Variants in RALGPS1 observed in about 807,000 individuals in gnomAD.
RALGPS1 encodes Ral GEF with PH domain and SH3 binding motif 1, also known as ras-specific guanine nucleotide-releasing factor RalGPS1.
Under a neutral mutation model 78.8 loss-of-function variants are expected in RALGPS1, and 19 were observed. That is an observed-to-expected ratio of 0.24 (90% confidence interval 0.17 to 0.35). The LOEUF is 0.35. RALGPS1 is among the 10% of genes least tolerant of loss of function. The probability of loss-of-function intolerance (pLI) is 1.00; values close to 1 mark genes in which losing one functional copy is unlikely to be tolerated. For missense variants in RALGPS1, 454 were observed against 688.3 expected, an observed-to-expected ratio of 0.66 and a Z score of 3.81; for synonymous variants, 228 against 256.3, an observed-to-expected ratio of 0.89 and a Z score of 1.06.
intron 14 of RALGPS1, among the ~76,000 whole-genome samples, chr9:127,209,227 C>T (rs1554878664): frequency 6.6e-6 from 1 of 152,254 alleles, no homozygotes; most frequent in Non-Finnish European, 1.5e-5. Flanking sequence ...CGGAGGTAGC[C>T]GTGGCCAGTT....
chr9:126,973,587 C>T (rs565512581), intron 3 of RALGPS1, among the ~76,000 whole-genome samples: 5 of 152,226 alleles, frequency 3.3e-5, no homozygotes, highest in South Asian at 4.1e-4. Flanking sequence ...CTCTTTTATT[C>T]GTTTTGATTG....
intron 1 of RALGPS1, among the ~76,000 whole-genome samples, chr9:126,949,275 G>A (rs1272169610): frequency 2.0e-5 from 3 of 152,184 alleles, no homozygotes; most frequent in Admixed American, 6.5e-5. Flanking sequence ...ATAAACATAG[G>A]TGTGCATGTG....
Position 127,211,734 on chromosome 9 carries a change from C to A in RALGPS1, c.1248-397C>A, listed in dbSNP as rs532874425. On this transcript the variant is annotated intron_variant, in intron 14 of 18. Transcript: ENST00000259351. The surrounding 1 kb of genome is among the most constrained non-coding windows in gnomAD (Gnocchi z 5.0). ...CCTCGCTGCTCTCTGAGGCTCCTGCCAACACCAGAAGGAGGGGCTGCTGGA... is the reference window on the plus strand; with the variant it reads ...CCTCGCTGCTCTCTGAGGCTCCTGCAAACACCAGAAGGAGGGGCTGCTGGA... Among the ~76,000 whole-genome samples the A allele has an allele frequency of 1.0e-3, 155 of 152,338 alleles. 2 individuals are homozygous for A. The highest frequency in any genetic ancestry group is 3.6e-3 in the African/African-American group (149 of 41,572).
intron 8 of RALGPS1, among the ~76,000 whole-genome samples, chr9:127,097,337 G>A (rs2053244500): frequency 6.6e-6 from 1 of 152,206 alleles, no homozygotes; most frequent in African/African-American, 2.4e-5. Context: ...GTATCAAATT[G>A]TGTAGAAATG....
At chr9:126,997,948 T>G (rs62580794) in intron 4 of RALGPS1, among the ~76,000 whole-genome samples, 4,192 of 152,032 alleles carry the variant, frequency 0.028, 52 homozygotes, top group Middle Eastern at 0.048. Flanking sequence ...AAATGGTGCT[T>G]GGAAAACTGG....
Position 127,222,175 on chromosome 9 carries a change from TCAA to T in RALGPS1, c.*3410_*3412del, listed in dbSNP as rs2062789945. ...TCCCTGCCCTCATGGACCTGACCAC[TCAA>T]CAAACAGTCCCCACCACACCTATCT... On this transcript the variant is annotated 3_prime_UTR_variant, in exon 19 of 19. Transcript: ENST00000259351. 1 of 152,244 alleles carries T rather than the reference TCAA, an allele frequency of 6.6e-6. No individual in the cohort carries two copies. The highest frequency in any genetic ancestry group is 2.1e-4 in the South Asian group (1 of 4,828). The allele number at this position is 152,244 out of a possible 1,614,324, so 9.4% of individuals were successfully genotyped here.
intron 3 of RALGPS1, among the ~76,000 whole-genome samples, chr9:126,973,487 A>T (rs1047287502): frequency 9.9e-5 from 15 of 152,240 alleles, no homozygotes; most frequent in Non-Finnish European, 1.9e-4. Context: ...AATTATTTAA[A>T]AAACTTGAAG....
At chr9:126,990,419 C>T (rs1327290418) in intron 4 of RALGPS1, among the ~76,000 whole-genome samples, 1 of 152,210 alleles carries the variant, frequency 6.6e-6, no homozygotes, top group Non-Finnish European at 1.5e-5. Context: ...CTGCTTAGCG[C>T]CCTCTGTGGC....
intron 8 of RALGPS1, among the ~76,000 whole-genome samples, chr9:127,081,227 G>A (rs1453043758): frequency 7.9e-6 from 1 of 127,128 alleles, no homozygotes; most frequent in Non-Finnish European, 1.9e-5. Context: ...GCACAAAATG[G>A]CATTTTTTTT....
intron 8 of RALGPS1, chr9:127,089,050 A>G (rs754666449): frequency 1.4e-5 from 22 of 1,614,034 alleles, no homozygotes; most frequent in Non-Finnish European, 1.8e-5. Flanking sequence ...GGCTCCGGTA[A>G]TGGCCCCCGC....
At chr9:127,061,932 T>C (rs2049249447) in intron 7 of RALGPS1, among the ~76,000 whole-genome samples, 1 of 152,164 alleles carries the variant, frequency 6.6e-6, no homozygotes. Context: ...CTTGGGTCTT[T>C]GTGGGAATAT....
intron 8 of RALGPS1, among the ~76,000 whole-genome samples, chr9:127,111,312 C>A (rs972156775): frequency 3.3e-5 from 5 of 152,226 alleles, no homozygotes; most frequent in African/African-American, 1.2e-4. Context: ...ATTCCCCCTC[C>A]AGTGTCCTTA....
intron 8 of RALGPS1, among the ~76,000 whole-genome samples, chr9:127,100,574 G>A (rs755127699): frequency 6.6e-6 from 1 of 152,204 alleles, no homozygotes; most frequent in Non-Finnish European, 1.5e-5. Flanking sequence ...CTCCCTGGGG[G>A]CAGTGGCCAG....
At chr9:127,129,168 G>T (rs902234955) in intron 8 of RALGPS1, among the ~76,000 whole-genome samples, 1 of 152,150 alleles carries the variant, frequency 6.6e-6, no homozygotes, top group Non-Finnish European at 1.5e-5. Flanking sequence ...ATTTTAAGGC[G>T]TGTCCAGCTC....
At chr9:127,070,407 T>G (rs917025203) in intron 8 of RALGPS1, among the ~76,000 whole-genome samples, 2 of 152,186 alleles carry the variant, frequency 1.3e-5, no homozygotes, top group Non-Finnish European at 2.9e-5. Context: ...TAGTTATGAT[T>G]ATTACCTTGT....
chr9:127,008,647 A>G (rs1252544283), intron 4 of RALGPS1, among the ~76,000 whole-genome samples: 1 of 152,252 alleles, frequency 6.6e-6, no homozygotes, highest in African/African-American at 2.4e-5. Flanking sequence ...TATCCTGGTT[A>G]GTAGCCTGAA....
intron 8 of RALGPS1, among the ~76,000 whole-genome samples, chr9:127,144,760 A>G (rs1028568486): frequency 2.0e-5 from 3 of 152,242 alleles, no homozygotes; most frequent in Non-Finnish European, 4.4e-5. Flanking sequence ...GTCTCATATT[A>G]TATGATTCCA....
intron 1 of RALGPS1, among the ~76,000 whole-genome samples, chr9:126,928,055 T>C (rs191390977): frequency 1.2e-4 from 19 of 152,260 alleles, no homozygotes; most frequent in Admixed American, 6.5e-4. Flanking sequence ...GTATCCTAAA[T>C]TGGTAAAAGT....
At position 127,002,124 on chromosome 9, in the gene RALGPS1, C is replaced by G. The variant is rs548464668; in HGVS notation, c.216+24379C>G. On this transcript the variant is annotated intron_variant, in intron 4 of 18. Coordinates refer to ENST00000259351, the MANE Select transcript of RALGPS1 (RefSeq NM_014636.3). ...GCACCCCAGAAGGCTACCTCATGCCCCCTCCAAGTCATCAACTATGTACAA... is the reference window on the plus strand; with the variant it reads ...GCACCCCAGAAGGCTACCTCATGCCGCCTCCAAGTCATCAACTATGTACAA... Among the ~76,000 whole-genome samples the G allele has an allele frequency of 5.3e-5, 8 of 152,250 alleles. No individual in the cohort carries two copies. The South Asian group carries it at 1.2e-3, about 24-fold the overall frequency.
Sources: gnomAD v4.1 joint callset for allele counts (sites outside exome capture counted in the v4.1 genomes callset) on GRCh38, gnomAD v4.1.1 for gene constraint, Gnocchi (gnomAD v3.1) non-coding constraint, MANE v1.5 for transcripts, NCBI Gene and HGNC (gene_info 2026-07-23, HGNC 2026-07-21) for gene names.